The following KCNMB2 variants were observed in gnomAD, a reference collection of about 807,000 sequenced individuals.
KCNMB2 encodes the protein calcium-activated potassium channel subunit beta-2.
A neutral mutation model predicts 24.5 loss-of-function variants in KCNMB2; 9 were observed. That is an observed-to-expected ratio of 0.37 (90% confidence interval 0.22 to 0.64). The LOEUF is 0.64. Ranked by LOEUF, KCNMB2 falls within the 30% of genes least tolerant of loss-of-function variation. KCNMB2 has a pLI of 0.63. For missense variants in KCNMB2, 226 were observed against 284.3 expected (o/e 0.79, Z 1.47); for synonymous variants, 109 against 104.4 (o/e 1.04, Z -0.27).
intron 1 of KCNMB2, among the ~76,000 whole-genome samples, chr3:178,733,583 T>G (rs891248426): frequency 1.3e-5 from 2 of 152,096 alleles, no homozygotes; most frequent in African/African-American, 4.8e-5. Flanking sequence ...CAGGTTCAAG[T>G]GATTCTCTTG....
chr3:178,794,966 A>G (rs868673287), intron 1 of KCNMB2, among the ~76,000 whole-genome samples: 19 of 152,272 alleles, frequency 1.2e-4, no homozygotes, highest in African/African-American at 3.9e-4. Context: ...CCTAGGGTGT[A>G]AAAAACAGTT....
At chr3:178,758,814 G>A (rs865885156) in intron 1 of KCNMB2, among the ~76,000 whole-genome samples, 5 of 602 alleles carry the variant, frequency 8.3e-3, no homozygotes, top group South Asian at 0.05. Context: ...TCTCCAAGAG[G>A]GATATATATA....
At chr3:178,598,912 C>G (rs555661969) in intron 1 of KCNMB2, among the ~76,000 whole-genome samples, 27 of 152,170 alleles carry the variant, frequency 1.8e-4, no homozygotes, top group African/African-American at 5.8e-4. Flanking sequence ...GAACCCAACC[C>G]AAAATATTTG....
chr3:178,786,630 G>A (rs1254328780), intron 1 of KCNMB2, among the ~76,000 whole-genome samples: 1 of 151,918 alleles, frequency 6.6e-6, no homozygotes, highest in Non-Finnish European at 1.5e-5. Context: ...GAGCATTACC[G>A]AATATTCATT....
intron 1 of KCNMB2, among the ~76,000 whole-genome samples, chr3:178,781,937 C>A: frequency 9.1e-6 from 1 of 109,498 alleles, no homozygotes; most frequent in African/African-American, 3.5e-5. Flanking sequence ...CTATCCCTCC[C>A]CCCTCCCCCC....
At chr3:178,667,625 A>G (rs574950641) in intron 1 of KCNMB2, among the ~76,000 whole-genome samples, 1 of 152,260 alleles carries the variant, frequency 6.6e-6, no homozygotes, top group Non-Finnish European at 1.5e-5. Flanking sequence ...AGGTGGCCTC[A>G]ATTTACAGCC....
chr3:178,763,229 C>A (rs1212904623), intron 1 of KCNMB2, among the ~76,000 whole-genome samples: 1 of 152,138 alleles, frequency 6.6e-6, no homozygotes, highest in Non-Finnish European at 1.5e-5. Context: ...GGTTGAGTAT[C>A]ATTTGAAATG....
chr3:178,759,636 G>GATAT (rs751946252), intron 1 of KCNMB2, among the ~76,000 whole-genome samples: 11 of 72,898 alleles, frequency 1.5e-4, no homozygotes, highest in Non-Finnish European at 2.8e-4. Context: ...TCTCCAAGAG[G>GATAT]ATATATATAT....
In KCNMB2 at chr3:178,842,991, A is replaced by G; in HGVS notation, c.*54A>G. 6.9e-7 allele frequency: 1 copy of G among 1,443,734 alleles called. No individual in the cohort carries two copies. Among genetic ancestry groups the G allele is most frequent in the Non-Finnish European group, 9.5e-7 (1 of 1,054,940 alleles). 89.4% of individuals were successfully genotyped at this position (1,443,734 alleles called of 1,614,324 possible). A position where few individuals can be genotyped will look rare whatever the true frequency, so the allele number is the denominator to read the frequency against. On this transcript the variant is annotated 3_prime_UTR_variant, in exon 5 of 5. Transcript: ENST00000452583. Reference sequence around the variant, plus strand: ...TAAAGCTCAAATACTGTTTTCTTTCATTCTTCACCAAAGAACCTTAAGTTT... The same window carrying G: ...TAAAGCTCAAATACTGTTTTCTTTCGTTCTTCACCAAAGAACCTTAAGTTT...
At chr3:178,789,654 G>A (rs941819148) in intron 1 of KCNMB2, among the ~76,000 whole-genome samples, 2 of 152,126 alleles carry the variant, frequency 1.3e-5, no homozygotes, top group Non-Finnish European at 2.9e-5. Flanking sequence ...CCCTGTCACA[G>A]TGGAAAACAA....
At chr3:178,659,501 A>G (rs1372213812) in intron 1 of KCNMB2, among the ~76,000 whole-genome samples, 1 of 152,220 alleles carries the variant, frequency 6.6e-6, no homozygotes, top group Admixed American at 6.5e-5. Context: ...TAGAATATCC[A>G]TGATATATTT....
At chr3:178,825,085 T>C (rs1350314416) in intron 2 of KCNMB2, among the ~76,000 whole-genome samples, 4 of 152,170 alleles carry the variant, frequency 2.6e-5, no homozygotes, top group African/African-American at 9.7e-5. Context: ...GAGAAAAATG[T>C]TAACCAAAAT....
intron 1 of KCNMB2, among the ~76,000 whole-genome samples, chr3:178,732,329 T>C (rs1436809153): frequency 1.3e-5 from 2 of 152,324 alleles, no homozygotes; most frequent in East Asian, 1.9e-4. Flanking sequence ...TACAATTTAT[T>C]TGTAACCTCA....
chr3:178,675,614 C>A (rs112534640), intron 1 of KCNMB2, among the ~76,000 whole-genome samples: 5 of 152,106 alleles, frequency 3.3e-5, no homozygotes, highest in African/African-American at 1.2e-4. Flanking sequence ...TATGAAAAAT[C>A]TTTGATCAAT....
chr3:178,556,457 T>C (rs555501242), intron 1 of KCNMB2, among the ~76,000 whole-genome samples: 1 of 152,162 alleles, frequency 6.6e-6, no homozygotes, highest in Non-Finnish European at 1.5e-5. Flanking sequence ...CAGGCTAGAG[T>C]GCAATGGCAC....
rs1424739439 is a variant in KCNMB2, at chr3:178,541,611, TTAAA to T, written c.-68+4904_-68+4907del. On this transcript the variant is annotated intron_variant, in intron 1 of 4. Transcript: ENST00000452583. ...AATAATCTTATTGTACAAATTGGAT[TTAAA>T]TAATAATGTCCAATATTTCTAGAAT... Among the ~76,000 whole-genome samples the T allele has an allele frequency of 2.0e-5, 3 of 152,198 alleles. No homozygotes were observed. The East Asian group carries it at 5.8e-4, about 29-fold the overall frequency.
intron 1 of KCNMB2, among the ~76,000 whole-genome samples, chr3:178,615,398 C>T (rs553333380): frequency 2.9e-4 from 44 of 152,330 alleles, no homozygotes; most frequent in African/African-American, 9.6e-4. Flanking sequence ...TCCAGAGATG[C>T]TATCCAGGAG....
At chr3:178,595,712 C>T (rs1306279128) in intron 1 of KCNMB2, among the ~76,000 whole-genome samples, 1 of 152,072 alleles carries the variant, frequency 6.6e-6, no homozygotes, top group Non-Finnish European at 1.5e-5. Flanking sequence ...CCTCCCCAGC[C>T]ATGCTGAGCT....
rs186071567 is a variant in KCNMB2 at position 178,688,053 on chromosome 3, T to C, written c.-67-119290T>C. 6.6e-3 allele frequency among the ~76,000 whole-genome samples: 1,005 copies of C among 152,136 alleles called. 4 individuals are homozygous for C. Among genetic ancestry groups the C allele is most frequent in the Non-Finnish European group, 0.011 (740 of 67,976 alleles). ...ATACAGGAGGAGGAAAGAGGTTAGG[T>C]TTGGGGTGAGAAAAATTGAGAATCA... On this transcript the variant is annotated intron_variant, in intron 1 of 4. Transcript: ENST00000452583.
Sources: allele counts gnomAD v4.1 joint callset (sites outside exome capture counted in the v4.1 genomes callset), GRCh38; gene constraint gnomAD v4.1.1; transcripts MANE v1.5; gene names NCBI Gene and HGNC (gene_info 2026-07-23, HGNC 2026-07-21).